CDH13: variants seen among roughly 807,000 people sequenced by gnomAD.
CDH13 encodes the protein cadherin-13.
CDH13 carries 24 observed loss-of-function variants against 63.8 expected under a neutral mutation model. The ratio of observed to expected loss-of-function variants is 0.38; its 90% CI spans 0.27 to 0.53. The LOEUF (loss-of-function observed/expected upper bound fraction) is 0.53, where lower values mean the gene tolerates loss of function less well. CDH13 is among the 20% of genes least tolerant of loss of function. The pLI is 0.85. For missense variants in CDH13, 1,049 were observed against 903.1 expected, an observed-to-expected ratio of 1.16 and a Z score of -2.07; for synonymous variants, 503 against 355.3, an observed-to-expected ratio of 1.42 and a Z score of -4.67.
chr16:83,574,276 C>G (rs534526127), intron 7 of CDH13, among the ~76,000 whole-genome samples: 1 of 152,310 alleles, frequency 6.6e-6, no homozygotes, highest in African/African-American at 2.4e-5. Flanking sequence ...ACCTTGCTCT[C>G]CATTCTTAGA....
chr16:83,551,082 A>G (rs959090120), intron 7 of CDH13, among the ~76,000 whole-genome samples: 1 of 150,598 alleles, frequency 6.6e-6, no homozygotes, highest in Non-Finnish European at 1.5e-5. Context: ...CTATCTATCT[A>G]TCTATCTATC....
chr16:83,199,796 G>T (rs2038973007), intron 4 of CDH13, among the ~76,000 whole-genome samples: 1 of 152,150 alleles, frequency 6.6e-6, no homozygotes, highest in South Asian at 2.1e-4. Context: ...AGGAATGCAG[G>T]TCTATTATTC....
At chr16:83,730,476 TG>T (rs1173073187) in intron 10 of CDH13, among the ~76,000 whole-genome samples, 1 of 152,234 alleles carries the variant, frequency 6.6e-6, no homozygotes, top group African/African-American at 2.4e-5. Flanking sequence ...TTTTAGGAAC[TG>T]ACAAACTTGG....
chr16:82,857,915 A>C (rs2039770373), intron 1 of CDH13, among the ~76,000 whole-genome samples: 1 of 152,204 alleles, frequency 6.6e-6, no homozygotes, highest in Non-Finnish European at 1.5e-5. Flanking sequence ...GTGAAGGCTT[A>C]ACAGGTCCTG....
intron 6 of CDH13, among the ~76,000 whole-genome samples, chr16:83,370,733 C>T (rs1482660058): frequency 6.6e-6 from 1 of 152,158 alleles, no homozygotes; most frequent in Non-Finnish European, 1.5e-5. Context: ...ATTGGTTTTC[C>T]ATTTCTTTGT....
intron 6 of CDH13, among the ~76,000 whole-genome samples, chr16:83,460,982 A>AACACAGAC (rs1555552602): frequency 4.5e-5 from 6 of 134,254 alleles, no homozygotes; most frequent in Non-Finnish European, 9.5e-5. Context: ...CTTGTCTCAA[A>AACACAGAC]ACACACACAC....
intron 5 of CDH13, among the ~76,000 whole-genome samples, chr16:83,227,464 G>T (rs899639271): frequency 1.3e-5 from 2 of 152,164 alleles, no homozygotes; most frequent in Non-Finnish European, 2.9e-5. Flanking sequence ...TGTGGAGCAG[G>T]TTGGAAGCTG....
intron 11 of CDH13, among the ~76,000 whole-genome samples, chr16:83,758,313 A>G (rs1006779605): frequency 6.6e-6 from 1 of 152,172 alleles, no homozygotes; most frequent in African/African-American, 2.4e-5. Flanking sequence ...ATGAGCATAA[A>G]TTTTTAAATT....
At chr16:83,600,345 C>A (rs76989158) in intron 7 of CDH13, among the ~76,000 whole-genome samples, 1 of 152,150 alleles carries the variant, frequency 6.6e-6, no homozygotes, top group Non-Finnish European at 1.5e-5. Context: ...CACTCATCAC[C>A]GTGAATTGAA....
At chr16:83,370,387 CAAA>C (rs760385414) in intron 6 of CDH13, among the ~76,000 whole-genome samples, 4 of 104,564 alleles carry the variant, frequency 3.8e-5, no homozygotes, top group Admixed American at 1.0e-4. Context: ...GACTCCATTT[CAAA>C]AAAAAAAAAA....
chr16:83,024,266 C>A (rs1023188276), intron 2 of CDH13, among the ~76,000 whole-genome samples: 3 of 152,002 alleles, frequency 2.0e-5, no homozygotes, highest in African/African-American at 7.2e-5. Context: ...GAATTTGGCT[C>A]TTTAGATTTA....
intron 2 of CDH13, among the ~76,000 whole-genome samples, chr16:83,016,438 C>T (rs1376745837): frequency 6.6e-6 from 1 of 152,156 alleles, no homozygotes; most frequent in African/African-American, 2.4e-5. Context: ...TAGCACCAAG[C>T]CTAGCCAGAG....
chr16:83,408,647 T>C (rs756807261), intron 6 of CDH13, among the ~76,000 whole-genome samples: 1 of 152,232 alleles, frequency 6.6e-6, no homozygotes, highest in Non-Finnish European at 1.5e-5. Context: ...CATTGACTGA[T>C]ATATTGTTAT....
At chr16:82,837,649 C>T (rs1234490754) in intron 1 of CDH13, among the ~76,000 whole-genome samples, 1 of 152,220 alleles carries the variant, frequency 6.6e-6, no homozygotes, top group Non-Finnish European at 1.5e-5. Flanking sequence ...CCCCAAGCAA[C>T]ATATGGTGAC....
At chr16:83,452,756 A>G (rs2072918376) in intron 6 of CDH13, among the ~76,000 whole-genome samples, 1 of 152,240 alleles carries the variant, frequency 6.6e-6, no homozygotes, top group Non-Finnish European at 1.5e-5. Context: ...CCTCGGTGAA[A>G]GAAATAATGT....
chr16:83,276,930 T>C (rs1293535676), intron 5 of CDH13, among the ~76,000 whole-genome samples: 1 of 152,056 alleles, frequency 6.6e-6, no homozygotes, highest in Non-Finnish European at 1.5e-5. Context: ...AGAGAGAGTA[T>C]GTGCAGGGGA....
At chr16:83,073,015 A>G (rs551422073) in intron 3 of CDH13, among the ~76,000 whole-genome samples, 3 of 152,304 alleles carry the variant, frequency 2.0e-5, no homozygotes, top group South Asian at 2.1e-4. Context: ...CACTTTTCAA[A>G]TGGTAACGAT....
chr16:83,266,500 A>T (rs1252208799), intron 5 of CDH13, among the ~76,000 whole-genome samples: 1 of 151,922 alleles, frequency 6.6e-6, no homozygotes, highest in Non-Finnish European at 1.5e-5. Context: ...CAGTGTGTTC[A>T]TTGTTGTATT....
At chr16:83,510,930 A>G (rs2074541755) in intron 7 of CDH13, among the ~76,000 whole-genome samples, 2 of 152,270 alleles carry the variant, frequency 1.3e-5, no homozygotes, top group African/African-American at 4.8e-5. Context: ...TGAAAACTTT[A>G]GACTGAGAGA....
Sources: allele counts gnomAD v4.1 joint callset (sites outside exome capture counted in the v4.1 genomes callset), GRCh38; gene constraint gnomAD v4.1.1; transcripts MANE v1.5; gene names NCBI Gene and HGNC (gene_info 2026-07-23, HGNC 2026-07-21).